Variants in CLTC observed in about 807,000 individuals in gnomAD.
The protein encoded by CLTC is clathrin heavy chain, also known as clathrin heavy chain 1.
Under a neutral mutation model 195.8 loss-of-function variants are expected in CLTC, and 16 were observed. The ratio of observed to expected loss-of-function variants is 0.08; its 90% CI spans 0.06 to 0.12. The LOEUF is 0.12. Among genes scored for constraint, CLTC ranks in the 10% least tolerant of loss-of-function variants. The pLI, the probability that CLTC is intolerant of heterozygous loss-of-function variation, is 1.00. For missense variants in CLTC, 796 were observed against 2,027.0 expected (o/e 0.39, Z 11.66); for synonymous variants, 667 against 689.4 (o/e 0.97, Z 0.51).
Position 59,683,476 on chromosome 17 carries a change from C to T in CLTC, c.4131C>T (p.Thr1377=), listed in dbSNP as rs2033118368. The change falls in exon 26 of 32, where the codon ACC becomes ACT. Residue 1377 remains threonine (T), a synonymous_variant. Transcript: ENST00000269122. This position sits in a 1 kb window ranked among gnomAD's most constrained non-coding sequence, Gnocchi z 6.1. The part of the protein sequence containing the change: ...KYEEYDNAII[T]MMNHPTDAWK... ...AAGAATATGATAATGCCATAATTAC[C>T]ATGATGAATCATCCAACTGATGCCT... The T allele has an allele frequency of 1.2e-6, 2 of 1,613,856 alleles. No homozygotes were observed. Among genetic ancestry groups the T allele is most frequent in the Admixed American group, 3.3e-5 (2 of 59,984 alleles).
At chr17:59,692,652 CCCCAAGATGGG>C (rs1457020455) in intron 31 of CLTC, among the ~76,000 whole-genome samples, 1 of 151,254 alleles carries the variant, frequency 6.6e-6, no homozygotes, top group African/African-American at 2.4e-5. Context: ...TTTTTTTTTC[CCCCAAGATGGG>C]GTCTCGTCTG....
At chr17:59,671,601 T>G (rs2032849658) in intron 14 of CLTC, among the ~76,000 whole-genome samples, 1 of 152,212 alleles carries the variant, frequency 6.6e-6, no homozygotes, top group African/African-American at 2.4e-5. Flanking sequence ...TGTAGAACTG[T>G]AAGCTCTCTG....
intron 30 of CLTC, among the ~76,000 whole-genome samples, chr17:59,688,567 C>T (rs1046105955): frequency 4.6e-5 from 7 of 152,080 alleles, no homozygotes; most frequent in Non-Finnish European, 8.8e-5. Context: ...AATTGAAAGT[C>T]CCTGTGCCAG....
At chr17:59,660,353 G>A in intron 6 of CLTC, 38 bp from the exon 7 acceptor site, 1 of 1,561,872 alleles carries the variant, frequency 6.4e-7, no homozygotes, top group Non-Finnish European at 8.8e-7. Context: ...GTATCCAAAT[G>A]AACACATTGC....
chr17:59,644,145 A>C, intron 1 of CLTC, 131 bp from the exon 2 acceptor site: 1 of 686,194 alleles, frequency 1.5e-6, no homozygotes, highest in Non-Finnish European at 2.4e-6. Flanking sequence ...TCTCTCTTTA[A>C]TTAACATAAT....
chr17:59,668,724 A>G lies in CLTC; in HGVS notation c.2129-53A>G. ...TTTTTTAATTACATAAATGTTTTTCAGTCATTCTCAAAAGTGTGCCTATGC... is the reference window on the plus strand; with the variant it reads ...TTTTTTAATTACATAAATGTTTTTCGGTCATTCTCAAAAGTGTGCCTATGC... On this transcript the variant is annotated intron_variant, in intron 13 of 31. Coordinates refer to ENST00000269122, the MANE Select transcript of CLTC (RefSeq NM_004859.4). 5 of 1,440,756 alleles carry G rather than the reference A, an allele frequency of 3.5e-6. No homozygotes were observed. The South Asian group carries it at 6.5e-5, about 19-fold the overall frequency. 89.2% of individuals were successfully genotyped at this position (1,440,756 alleles called of 1,614,324 possible). A position where few individuals can be genotyped will look rare whatever the true frequency, so the allele number is the denominator to read the frequency against.
At position 59,694,524 on chromosome 17, in the gene CLTC, G is replaced by A. The variant is rs1205766673; in HGVS notation, c.*672G>A. On this transcript the variant is annotated 3_prime_UTR_variant, in exon 32 of 32. Transcript: ENST00000269122. ...CTTCATATGTAACAGGTGCCCTTAT[G>A]TTGTGCTGTATCCTGTGCTTTTTCT... 2 of 227,216 alleles carry A rather than the reference G, an allele frequency of 8.8e-6. No homozygotes were observed. The highest frequency in any genetic ancestry group is 4.4e-5 in the African/African-American group (2 of 45,012). 14.1% of individuals were successfully genotyped at this position (227,216 alleles called of 1,614,324 possible).
chr17:59,687,889 C>G (rs2033218372), intron 30 of CLTC, among the ~76,000 whole-genome samples: 1 of 152,118 alleles, frequency 6.6e-6, no homozygotes, highest in Admixed American at 6.5e-5. Flanking sequence ...ATGAAACAAA[C>G]TTACGTCTGT....
chr17:59,632,816 A>G (rs988372218), intron 1 of CLTC, among the ~76,000 whole-genome samples: 1 of 152,202 alleles, frequency 6.6e-6, no homozygotes, highest in African/African-American at 2.4e-5. Context: ...CATGAATCAC[A>G]ATTTGAACCC....
In CLTC at chr17:59,685,363, C is replaced by T. The variant is rs1242743598; in HGVS notation, c.4605+137C>T. The T allele has an allele frequency of 1.1e-6, 1 of 944,978 alleles. No homozygotes were observed. The highest frequency in any genetic ancestry group is 1.5e-6 in the Non-Finnish European group (1 of 663,702). The allele number at this position is 944,978 out of a possible 1,614,324, so 58.5% of individuals were successfully genotyped here. A position where few individuals can be genotyped will look rare whatever the true frequency, so the allele number is the denominator to read the frequency against. On this transcript the variant is annotated intron_variant, in intron 29 of 31. Transcript: ENST00000269122. This position sits in a 1 kb window ranked among gnomAD's most constrained non-coding sequence, Gnocchi z 5.0. ...TAAGGCAATTTAAGTTAATGGATTT[C>T]TTGATTCTAGGGGCTCTCTTATGTT...
At position 59,619,977 on chromosome 17, in the gene CLTC, T is replaced by A. The variant is rs2031305338; in HGVS notation, c.-155T>A. On this transcript the variant is annotated 5_prime_UTR_variant, in exon 1 of 32. Coordinates refer to ENST00000269122, the MANE Select transcript of CLTC (RefSeq NM_004859.4). ...TGGAGCCTCCGCCCCCGACCCGAGC[T>A]CTTTCGTCTGCCTGCCAGTTTCCTG... 3.1e-6 allele frequency: 2 copies of A among 636,506 alleles called. No individual in the cohort carries two copies. Among genetic ancestry groups the A allele is most frequent in the Admixed American group, 2.7e-5 (1 of 36,938 alleles). 39.4% of individuals were successfully genotyped at this position (636,506 alleles called of 1,614,324 possible).
At chr17:59,686,875 A>T in intron 30 of CLTC, 1 of 439,320 alleles carries the variant, frequency 2.3e-6, no homozygotes, top group South Asian at 9.6e-5. Context: ...CTTTATTTTC[A>T]CTTCTCTCAT....
chr17:59,667,566 T>G (rs1384394969), intron 13 of CLTC, among the ~76,000 whole-genome samples: 1 of 152,222 alleles, frequency 6.6e-6, no homozygotes, highest in Non-Finnish European at 1.5e-5. Context: ...ATTTTGTGAT[T>G]TGTTGCTATT....
In CLTC at chr17:59,681,888, A is replaced by G; in HGVS notation, c.3442+49A>G. 2 of 1,474,040 alleles carry G rather than the reference A, an allele frequency of 1.4e-6. No individual in the cohort carries two copies. The highest frequency in any genetic ancestry group is 1.8e-6 in the Non-Finnish European group (2 of 1,083,578). 91.3% of individuals were successfully genotyped at this position (1,474,040 alleles called of 1,614,324 possible). On this transcript the variant is annotated intron_variant, in intron 21 of 31. Coordinates refer to ENST00000269122, the MANE Select transcript of CLTC (RefSeq NM_004859.4). This position sits in a 1 kb window ranked among gnomAD's most constrained non-coding sequence, Gnocchi z 5.0. ...TGAAACCTCATAAAATGATTAAGCT[A>G]AGCATTAAGATATCTGTCTATTCTG...
At position 59,620,051 on chromosome 17, in the gene CLTC, C is replaced by G; in HGVS notation, c.-81C>G. On this transcript the variant is annotated 5_prime_UTR_variant, in exon 1 of 32. Transcript: ENST00000269122. ...AGCCCAGCCTCCCCCCTCCCCTTCT[C>G]CTCCTCTCCCTTGGAGAGCCCGGGC... 7.4e-7 allele frequency: 1 copy of G among 1,349,650 alleles called. No homozygotes were observed. The highest frequency in any genetic ancestry group is 1.1e-6 in the Non-Finnish European group (1 of 947,648). The allele number at this position is 1,349,650 out of a possible 1,614,324, so 83.6% of individuals were successfully genotyped here.
In CLTC at chr17:59,682,847, A is replaced by G; in HGVS notation, c.3765+54A>G. On this transcript the variant is annotated intron_variant, in intron 23 of 31. Transcript: ENST00000269122. This position sits in a 1 kb window ranked among gnomAD's most constrained non-coding sequence, Gnocchi z 6.8. Reference sequence around the variant, plus strand: ...ATTAAAGAAACGCTATTTAAACATTAGTTTAAATAACTAGCCATGTTTTAC... The same window carrying G: ...ATTAAAGAAACGCTATTTAAACATTGGTTTAAATAACTAGCCATGTTTTAC... 6.2e-7 allele frequency: 1 copy of G among 1,603,874 alleles called. No individual in the cohort carries two copies. Among genetic ancestry groups the G allele is most frequent in the Non-Finnish European group, 8.5e-7 (1 of 1,171,518 alleles).
At chr17:59,641,050 T>C (rs1223567442) in intron 1 of CLTC, among the ~76,000 whole-genome samples, 1 of 145,510 alleles carries the variant, frequency 6.9e-6, no homozygotes, top group African/African-American at 2.5e-5. Flanking sequence ...ACTGGGGAGG[T>C]AGAGGTTGCA....
chr17:59,685,158 T>A lies in CLTC; in HGVS notation c.4537T>A (p.Tyr1513Asn). The A allele has an allele frequency of 6.2e-7, 1 of 1,612,922 alleles. No homozygotes were observed. The highest frequency in any genetic ancestry group is 8.5e-7 in the Non-Finnish European group (1 of 1,179,134). ...CATTGAGTTCAGGAGAATTGCTGCT[T>A]ATCTCTTCAAAGGCAACAATCGCTG... is the stretch of plus-strand genomic sequence containing the variant. ...ELIEFRRIAAYLFKGNNRWKQ... is the reference protein window; with the variant it reads ...ELIEFRRIAANLFKGNNRWKQ... Residue 1513 changes from tyrosine (Y) to asparagine (N), a missense_variant, in exon 29 of 32, where the codon TAT (tyrosine) becomes AAT (asparagine). Transcript: ENST00000269122. The surrounding 1 kb of genome is among the most constrained non-coding windows in gnomAD (Gnocchi z 5.0).
intron 30 of CLTC, among the ~76,000 whole-genome samples, chr17:59,688,155 T>C (rs1460565565): frequency 6.6e-6 from 1 of 152,198 alleles, no homozygotes; most frequent in African/African-American, 2.4e-5. Context: ...ATGAAGCATG[T>C]ACAACAGTCA....
Sources: gnomAD v4.1 joint callset for allele counts (sites outside exome capture counted in the v4.1 genomes callset) on GRCh38, gnomAD v4.1.1 for gene constraint, Gnocchi (gnomAD v3.1) non-coding constraint, MANE v1.5 for transcripts, NCBI Gene and HGNC (gene_info 2026-07-23, HGNC 2026-07-21) for gene names.